The following RBM47 variants were observed in gnomAD, a reference collection of about 807,000 sequenced individuals.
RBM47 encodes RNA binding motif protein 47, also known as RNA-binding protein 47.
In RBM47, 21 loss-of-function variants were observed where a neutral mutation model predicts 47.1. That is an observed-to-expected ratio of 0.45 (90% CI 0.32 to 0.64). The LOEUF (loss-of-function observed/expected upper bound fraction) is 0.64, where lower values mean the gene tolerates loss of function less well. RBM47 is among the 30% of genes least tolerant of loss of function. The pLI is 0.05. For missense variants in RBM47, 708 were observed against 870.9 expected, an observed-to-expected ratio of 0.81 and a Z score of 2.35; for synonymous variants, 375 against 361.7, an observed-to-expected ratio of 1.04 and a Z score of -0.42.
At chr4:40,537,488 G>T (rs1728100013) in intron 2 of RBM47, among the ~76,000 whole-genome samples, 1 of 152,026 alleles carries the variant, frequency 6.6e-6, no homozygotes, top group African/African-American at 2.4e-5. Context: ...CTGGGTTCAA[G>T]CAATCTGCCT....
At chr4:40,626,510 T>C (rs946671546) in intron 1 of RBM47, among the ~76,000 whole-genome samples, 1 of 152,190 alleles carries the variant, frequency 6.6e-6, no homozygotes, top group African/African-American at 2.4e-5. Flanking sequence ...TTCTGGTAAA[T>C]TCCACACTAG....
At chr4:40,556,155 C>T (rs111642856) in intron 1 of RBM47, among the ~76,000 whole-genome samples, 12,334 of 151,520 alleles carry the variant, frequency 0.081, 798 homozygotes, top group African/African-American at 0.19. Context: ...CACGCCTCAG[C>T]CTCCTGAGTA....
chr4:40,585,389 T>C (rs1046793500), intron 1 of RBM47, among the ~76,000 whole-genome samples: 5 of 152,186 alleles, frequency 3.3e-5, no homozygotes, highest in Admixed American at 1.3e-4. Flanking sequence ...AAGCTTTCAA[T>C]CATCAAGAAC....
rs1342941039 is a variant in RBM47, at chr4:40,438,074, C to A, written c.820G>T (p.Val274Leu). The A allele has an allele frequency of 1.2e-6, 2 of 1,613,832 alleles. No individual in the cohort carries two copies. Among genetic ancestry groups the A allele is most frequent in the Admixed American group, 1.7e-5 (1 of 60,026 alleles). Reference sequence around the variant, plus strand: ...TCGCGGATCTTCTTGACGCGCTCCACGCAGCCGGGGTTGAACTGGCCGAAG... The same window carrying A: ...TCGCGGATCTTCTTGACGCGCTCCAAGCAGCCGGGGTTGAACTGGCCGAAG... ...KSFGQFNPGC[V>L]ERVKKIRDYA... is the part of the protein sequence containing the mutation. The change falls in exon 4 of 7, where the codon GTG becomes TTG. Residue 274 changes from valine to leucine, a missense_variant. Transcript: ENST00000295971.
chr4:40,429,388 A>G (rs1715537966), intron 6 of RBM47, among the ~76,000 whole-genome samples: 1 of 152,080 alleles, frequency 6.6e-6, no homozygotes, highest in Admixed American at 6.5e-5. Flanking sequence ...TGAAGAAGGA[A>G]AAAAAAATTC....
intron 2 of RBM47, among the ~76,000 whole-genome samples, chr4:40,530,244 A>C (rs1043703273): frequency 6.6e-6 from 1 of 151,142 alleles, no homozygotes; most frequent in Non-Finnish European, 1.5e-5. Flanking sequence ...ACGATCATGA[A>C]GTTTAAAAAT....
At chr4:40,594,432 C>T (rs1443539347) in intron 1 of RBM47, among the ~76,000 whole-genome samples, 5 of 152,142 alleles carry the variant, frequency 3.3e-5, no homozygotes, top group South Asian at 2.1e-4. Context: ...CCAGAATTGA[C>T]GACACAGCTT....
chr4:40,579,101 A>G (rs1732614719), intron 1 of RBM47, among the ~76,000 whole-genome samples: 1 of 148,480 alleles, frequency 6.7e-6, no homozygotes, highest in Non-Finnish European at 1.5e-5. Flanking sequence ...CCTGGGCAAC[A>G]GAGCGAGACT....
chr4:40,482,534 G>A (rs1720576821), intron 2 of RBM47, among the ~76,000 whole-genome samples: 1 of 152,328 alleles, frequency 6.6e-6, no homozygotes, highest in Non-Finnish European at 1.5e-5. Context: ...GATTACAGGT[G>A]TAAGCACCTG....
rs1187841734 is a variant in RBM47 at position 40,432,825 on chromosome 4, A to G, written c.1368T>C (p.Phe456=). 6.2e-7 allele frequency: 1 copy of G among 1,613,808 alleles called. No homozygotes were observed. Among genetic ancestry groups the G allele is most frequent in the South Asian group, 1.1e-5 (1 of 91,004 alleles). ...IPAIGAQYSM[F]PAAPAPKMIE... ...TCATTTTAGGGGCTGGAGCTGCTGG[A>G]AACATGGAATACTGAGCCCCAATGG... The change falls in exon 6 of 7, where the codon TTT becomes TTC. Residue 456 remains phenylalanine (F), a synonymous_variant. Transcript: ENST00000295971.
chr4:40,441,195 GGGA>G (rs1173361185), intron 3 of RBM47, among the ~76,000 whole-genome samples: 1 of 151,148 alleles, frequency 6.6e-6, no homozygotes, highest in Non-Finnish European at 1.5e-5. Context: ...AGGCAGAGGT[GGGA>G]GGATTACTTG....
At chr4:40,530,158 A>G (rs1727249275) in intron 2 of RBM47, among the ~76,000 whole-genome samples, 1 of 151,130 alleles carries the variant, frequency 6.6e-6, no homozygotes, top group South Asian at 2.1e-4. Context: ...CTAGTCTGGA[A>G]CTCCCGACCT....
chr4:40,618,517 G>C (rs1736946321), intron 1 of RBM47, among the ~76,000 whole-genome samples: 1 of 152,000 alleles, frequency 6.6e-6, no homozygotes, highest in Non-Finnish European at 1.5e-5. Flanking sequence ...GATATAAAAG[G>C]GGGAAACTTC....
chr4:40,475,411 T>C (rs1484734834), intron 2 of RBM47, among the ~76,000 whole-genome samples: 1 of 152,124 alleles, frequency 6.6e-6, no homozygotes, highest in Non-Finnish European at 1.5e-5. Context: ...ACAACAACAA[T>C]ACTGTGAAGA....
intron 2 of RBM47, among the ~76,000 whole-genome samples, chr4:40,477,264 G>C (rs1719751905): frequency 1.3e-5 from 2 of 152,138 alleles, no homozygotes; most frequent in African/African-American, 4.8e-5. Context: ...TTTTTAAAAA[G>C]ACAGTTTTAT....
At chr4:40,486,837 A>C (rs998381253) in intron 2 of RBM47, among the ~76,000 whole-genome samples, 1 of 152,234 alleles carries the variant, frequency 6.6e-6, no homozygotes, top group African/African-American at 2.4e-5. Context: ...TTTATGCAAC[A>C]TTCATTCTAT....
chr4:40,597,315 G>A (rs1305759622), intron 1 of RBM47, among the ~76,000 whole-genome samples: 1 of 151,470 alleles, frequency 6.6e-6, no homozygotes, highest in African/African-American at 2.4e-5. Flanking sequence ...ATATTTATAG[G>A]CTGAGGGCAG....
chr4:40,593,143 C>T (rs1180480848), intron 1 of RBM47, among the ~76,000 whole-genome samples: 2 of 148,294 alleles, frequency 1.3e-5, no homozygotes, highest in Admixed American at 1.4e-4. Context: ...TACAGGCGCC[C>T]GCGACCACGC....
chr4:40,536,164 G>A (rs1414235933), intron 2 of RBM47, among the ~76,000 whole-genome samples: 1 of 152,206 alleles, frequency 6.6e-6, no homozygotes, highest in Non-Finnish European at 1.5e-5. Context: ...CTTCTTGGCA[G>A]GCAACACCTG....
Sources: allele counts gnomAD v4.1 joint callset (sites outside exome capture counted in the v4.1 genomes callset), GRCh38; gene constraint gnomAD v4.1.1; transcripts MANE v1.5; gene names NCBI Gene and HGNC (gene_info 2026-07-23, HGNC 2026-07-21).